The following SLC6A14 variants were observed in gnomAD, a reference collection of about 807,000 sequenced individuals.
The protein encoded by SLC6A14 is sodium- and chloride-dependent neutral and basic amino acid transporter B(0+).
In SLC6A14, 21 loss-of-function variants were observed where a neutral mutation model predicts 51.4. That is an observed-to-expected ratio of 0.41 (90% confidence interval 0.29 to 0.59). SLC6A14 has a LOEUF of 0.59. Ranked by LOEUF, SLC6A14 falls within the 20% of genes least tolerant of loss-of-function variation. The pLI is 0.31. For synonymous variants in SLC6A14, 177 were observed against 160.7 expected, an observed-to-expected ratio of 1.10 and a Z score of -0.77; for missense variants, 371 against 472.8, an observed-to-expected ratio of 0.78 and a Z score of 2.00.
At chrX:116,452,053 C>T (rs188974841) in intron 8 of SLC6A14, among the ~76,000 whole-genome samples, 156 of 111,650 alleles carry the variant, frequency 1.4e-3, no homozygotes, top group African/African-American at 4.7e-3. Context: ...TTTGAGTTTC[C>T]ACTTGTGTCT....
chrX:116,449,381 C>G, intron 7 of SLC6A14, among the ~76,000 whole-genome samples: 1 of 111,588 alleles, frequency 9.0e-6, no homozygotes, highest in Non-Finnish European at 1.9e-5. Context: ...CTGCCACACC[C>G]ACTTCCAGCT....
At chrX:116,452,988 T>G in intron 8 of SLC6A14, 29 bp from the exon 9 acceptor site, 1 of 1,087,714 alleles carries the variant, frequency 9.2e-7, no homozygotes, top group Non-Finnish European at 1.2e-6. Context: ...TCTTGGTAAC[T>G]AATTTATAAT....
intron 3 of SLC6A14, 55 bp downstream of exon 3, chrX:116,441,152 T>C (rs1450809349): frequency 7.9e-6 from 9 of 1,140,389 alleles, no homozygotes; most frequent in Non-Finnish European, 1.1e-5. Context: ...CATGCTTTTT[T>C]GTATATTTGT....
chrX:116,450,664 C>T (rs1486035512), intron 7 of SLC6A14, among the ~76,000 whole-genome samples: 8 of 111,899 alleles, frequency 7.1e-5, no homozygotes, highest in Non-Finnish European at 1.1e-4. Context: ...AGGCCAGGCG[C>T]GGTTGCTCAC....
rs1556694063 is a variant in SLC6A14, at chrX:116,446,837, T to C, written c.886T>C (p.Tyr296His). The C allele has an allele frequency of 3.3e-6, 4 of 1,208,662 alleles. No homozygotes were observed. Among genetic ancestry groups the C allele is most frequent in the Non-Finnish European group, 2.2e-6 (2 of 893,009 alleles). Residue 296 changes from tyrosine to histidine, a missense_variant, in exon 7 of 14, where the codon TAT (tyrosine) becomes CAT (histidine). By Grantham distance (83) the Tyr-to-His change is moderately conservative. Coordinates refer to ENST00000598581, the MANE Select transcript of SLC6A14 (RefSeq NM_007231.5). Reference sequence around the variant, plus strand: ...GGGTGCTTCAAAAGGCATTTCATACTATATTGGAGCCCAGTCAAATTTTAC... The same window carrying C: ...GGGTGCTTCAAAAGGCATTTCATACCATATTGGAGCCCAGTCAAATTTTAC... ...LEGASKGISY[Y>H]IGAQSNFTKL...
At chrX:116,440,085 A>G (rs1927564132) in intron 2 of SLC6A14, among the ~76,000 whole-genome samples, 1 of 111,809 alleles carries the variant, frequency 8.9e-6, no homozygotes, top group African/African-American at 3.2e-5. Context: ...AACTTTGCCA[A>G]TTCTTCTGGA....
intron 13 of SLC6A14, 133 bp downstream of exon 13, chrX:116,457,909 T>C (rs1321461767): frequency 2.1e-5 from 10 of 468,862 alleles, no homozygotes; most frequent in Non-Finnish European, 3.6e-5. Context: ...GCTACTTCTA[T>C]ACCTGACACA....
At chrX:116,448,137 G>T (rs1556694162) in intron 7 of SLC6A14, among the ~76,000 whole-genome samples, 1 of 111,521 alleles carries the variant, frequency 9.0e-6, no homozygotes, top group East Asian at 2.8e-4. Flanking sequence ...ATTATTTCTT[G>T]TAAAGATTTT....
At chrX:116,443,610 C>A (rs1927642191) in intron 4 of SLC6A14, 33 bp from the exon 5 acceptor site, 4 of 1,001,893 alleles carry the variant, frequency 4.0e-6, no homozygotes, top group Non-Finnish European at 5.3e-6. Context: ...AAACTAAGTA[C>A]ATGTCTGTGT....
chrX:116,447,233 G>C (rs1927733322), intron 7 of SLC6A14, among the ~76,000 whole-genome samples: 1 of 111,718 alleles, frequency 9.0e-6, no homozygotes, highest in African/African-American at 3.3e-5. Context: ...TGATTTATTG[G>C]ATAAACTCAG....
intron 11 of SLC6A14, 68 bp downstream of exon 11, chrX:116,455,144 T>A: frequency 1.2e-6 from 1 of 803,410 alleles, no homozygotes; most frequent in Non-Finnish European, 1.8e-6. Context: ...ATTTTCATTA[T>A]ATTTACCTAA....
chrX:116,459,961 G>A lies in SLC6A14; in HGVS notation c.*1006G>A, dbSNP rs1928011128. On this transcript the variant is annotated 3_prime_UTR_variant, in exon 14 of 14. Transcript: ENST00000598581. ...GTCAAACTTGTCAAGAATGAGAAAAGCCAAATTAGAAAATCCTATGTCCTA... is the reference window on the plus strand; with the variant it reads ...GTCAAACTTGTCAAGAATGAGAAAAACCAAATTAGAAAATCCTATGTCCTA... 9.0e-6 allele frequency: 1 copy of A among 111,427 alleles called. No homozygotes were observed. Among genetic ancestry groups the A allele is most frequent in the African/African-American group, 3.3e-5 (1 of 30,694 alleles). 9.2% of individuals were successfully genotyped at this position (111,427 alleles called of 1,213,427 possible). A position where few individuals can be genotyped will look rare whatever the true frequency, so the allele number is the denominator to read the frequency against.
In SLC6A14 at chrX:116,457,680, A is replaced by G. The variant is rs782176906; in HGVS notation, c.1686A>G (p.Gly562=). The G allele has an allele frequency of 9.2e-6, 11 of 1,199,902 alleles. No individual in the cohort carries two copies. The highest frequency in any genetic ancestry group is 1.2e-5 in the Non-Finnish European group (11 of 886,328). Residue 562 remains glycine, a synonymous_variant, in exon 13 of 14, where the codon GGA becomes GGG. Transcript: ENST00000598581. Reference sequence around the variant, plus strand: ...GCGCAATTCCATACCCTGACTGGGGAGTTGCTTTAGGCTGGTGTATGATTG... The same window carrying G: ...GCGCAATTCCATACCCTGACTGGGGGGTTGCTTTAGGCTGGTGTATGATTG... ...NYGAIPYPDW[G]VALGWCMIVF...
chrX:116,443,549 A>T (rs781852886), intron 4 of SLC6A14, 94 bp from the exon 5 acceptor site: 79 of 585,455 alleles, frequency 1.3e-4, no homozygotes, highest in Non-Finnish European at 1.8e-4. Flanking sequence ...AATTTTGATG[A>T]TAATTTAAAT....
At position 116,459,028 on chromosome X, in the gene SLC6A14, G is replaced by A; in HGVS notation, c.*73G>A. ...AATAGGGGGAACCTTATTTATTTGT[G>A]TGTTAACTGAATAGGAAAATGTACA... On this transcript the variant is annotated 3_prime_UTR_variant, in exon 14 of 14. Coordinates refer to ENST00000598581, the MANE Select transcript of SLC6A14 (RefSeq NM_007231.5). The A allele has an allele frequency of 2.3e-6, 2 of 873,660 alleles. No homozygotes were observed. The highest frequency in any genetic ancestry group is 1.6e-6 in the Non-Finnish European group (1 of 626,497). The allele number at this position is 873,660 out of a possible 1,213,427, so 72.0% of individuals were successfully genotyped here.
chrX:116,449,886 A>G (rs1180447549), intron 7 of SLC6A14, among the ~76,000 whole-genome samples: 2 of 112,116 alleles, frequency 1.8e-5, no homozygotes, highest in Non-Finnish European at 3.8e-5. Context: ...GATTTAATTG[A>G]TAATATCAAT....
At chrX:116,451,719 C>A in intron 8 of SLC6A14, 49 bp downstream of exon 8, 1 of 705,385 alleles carries the variant, frequency 1.4e-6, no homozygotes, top group Non-Finnish European at 2.1e-6. Context: ...ATGTATCTCA[C>A]TTATGAAACT....
In SLC6A14 at chrX:116,436,696, C is replaced by T. The variant is rs1294487182; in HGVS notation, c.-14C>T. On this transcript the variant is annotated 5_prime_UTR_variant, in exon 1 of 14. Transcript: ENST00000598581. Reference sequence around the variant, plus strand: ...CAAGAGGAGGCGAGGCGGAGCCAGCCGAGGGAGTGAACCATGGACAAGTTG... The same window carrying T: ...CAAGAGGAGGCGAGGCGGAGCCAGCTGAGGGAGTGAACCATGGACAAGTTG... 4.3e-6 allele frequency: 5 copies of T among 1,160,928 alleles called. No homozygotes were observed. Among genetic ancestry groups the T allele is most frequent in the South Asian group, 1.9e-5 (1 of 51,653 alleles).
chrX:116,459,175 AAC>A lies in SLC6A14; in HGVS notation c.*235_*236del, dbSNP rs149715958. 6.1e-3 allele frequency: 1,641 copies of A among 270,965 alleles called. No individual in the cohort carries two copies. The highest frequency in any genetic ancestry group is 1.0e-2 in the East Asian group (171 of 17,165). 22.3% of individuals were successfully genotyped at this position (270,965 alleles called of 1,213,427 possible). On this transcript the variant is annotated 3_prime_UTR_variant, in exon 14 of 14. Transcript: ENST00000598581. ...TTCTTTTTAGATTGTCTATCTGTAT[AAC>A]ACACACACACACACCTAAGAGTCTC...
Sources: gnomAD v4.1 joint callset for allele counts (sites outside exome capture counted in the v4.1 genomes callset) on GRCh38, gnomAD v4.1.1 for gene constraint, MANE v1.5 for transcripts, NCBI Gene and HGNC (gene_info 2026-07-23, HGNC 2026-07-21) for gene names.